Variants in MTHFD1L observed in about 807,000 individuals in gnomAD.
MTHFD1L encodes the protein methylenetetrahydrofolate dehydrogenase (NADP+ dependent) 1 like.
In MTHFD1L, 81 loss-of-function variants were observed where a neutral mutation model predicts 119.5. The ratio of observed to expected loss-of-function variants is 0.68; its 90% confidence interval spans 0.57 to 0.82. MTHFD1L has a LOEUF of 0.82. Ranked by LOEUF, MTHFD1L falls within the 40% of genes least tolerant of loss-of-function variation. The pLI is 0.00. For missense variants in MTHFD1L, 1,125 were observed against 1,253.4 expected (o/e 0.90, Z 1.55); for synonymous variants, 430 against 475.2 (o/e 0.90, Z 1.24).
chr6:151,063,086 G>A (rs769692621), intron 26 of MTHFD1L, among the ~76,000 whole-genome samples: 5 of 152,072 alleles, frequency 3.3e-5, no homozygotes, highest in African/African-American at 4.8e-5. Context: ...ATGTGATTTG[G>A]CTTTGGTCTT....
At chr6:151,082,162 G>A (rs751177045) in intron 26 of MTHFD1L, among the ~76,000 whole-genome samples, 2 of 152,074 alleles carry the variant, frequency 1.3e-5, no homozygotes, top group Non-Finnish European at 2.9e-5. Context: ...GCTACCTGTC[G>A]GTCAAACGGC....
chr6:150,871,619 A>G (rs1339896156), intron 1 of MTHFD1L, among the ~76,000 whole-genome samples: 1 of 144,034 alleles, frequency 6.9e-6, no homozygotes, highest in Non-Finnish European at 1.5e-5. Context: ...CTCCTGCCTC[A>G]GCCTCCTGAG....
chr6:150,948,512 C>T lies in MTHFD1L; in HGVS notation c.1624-519C>T, dbSNP rs146707757. On this transcript the variant is annotated intron_variant, in intron 15 of 27. Transcript: ENST00000367321. ...TTTTTTTATGTATTTTTAGTAGAGA[C>T]GGGGATTCACCATGTTGGCCAGTCT... 9.8e-3 allele frequency among the ~76,000 whole-genome samples: 1,478 copies of T among 151,262 alleles called. 14 individuals are homozygous for T. Among genetic ancestry groups the T allele is most frequent in the Middle Eastern group, 0.021 (6 of 288 alleles).
chr6:151,026,036 C>CA (rs1784571472), intron 24 of MTHFD1L, among the ~76,000 whole-genome samples: 1 of 151,976 alleles, frequency 6.6e-6, no homozygotes. Flanking sequence ...TTTTTGTCAT[C>CA]AAAAAATTAT....
chr6:151,032,463 A>G (rs1344580860), intron 24 of MTHFD1L, among the ~76,000 whole-genome samples: 1 of 152,196 alleles, frequency 6.6e-6, no homozygotes, highest in Admixed American at 6.5e-5. Context: ...CAAGCCATTC[A>G]TGAGGGATCC....
rs534422236 is a variant in MTHFD1L, at chr6:151,026,922, G to A, written c.2587-7571G>A. On this transcript the variant is annotated intron_variant, in intron 24 of 27. Coordinates refer to ENST00000367321, the MANE Select transcript of MTHFD1L (RefSeq NM_015440.5). Reference sequence around the variant, plus strand: ...CAGCTCACTGCAGTCTCCACCTCCCGGGTTCAAGTGATTCTCCTGCCTCAC... The same window carrying A: ...CAGCTCACTGCAGTCTCCACCTCCCAGGTTCAAGTGATTCTCCTGCCTCAC... Among the ~76,000 whole-genome samples, 619 of 126,084 alleles carry A rather than the reference G, an allele frequency of 4.9e-3. 3 individuals carry two copies. The highest frequency in any genetic ancestry group is 0.018 in the African/African-American group (604 of 33,894). The allele number at this position is 126,084 out of a possible 152,430, so 82.7% of individuals were successfully genotyped here.
At chr6:151,079,850 G>A (rs927244196) in intron 26 of MTHFD1L, among the ~76,000 whole-genome samples, 6 of 150,102 alleles carry the variant, frequency 4.0e-5, no homozygotes, top group African/African-American at 1.2e-4. Context: ...AAGCCAGCAC[G>A]TGATTTACTT....
chr6:151,068,491 T>C (rs1791571590), intron 26 of MTHFD1L, among the ~76,000 whole-genome samples: 1 of 152,224 alleles, frequency 6.6e-6, no homozygotes, highest in Non-Finnish European at 1.5e-5. Flanking sequence ...CAGATTCTGC[T>C]TGAACCGAGG....
intron 26 of MTHFD1L, among the ~76,000 whole-genome samples, chr6:151,058,093 C>A (rs1790204497): frequency 6.6e-6 from 1 of 152,216 alleles, no homozygotes; most frequent in Non-Finnish European, 1.5e-5. Flanking sequence ...CTTATTTTTA[C>A]TGCTATTCAG....
chr6:151,067,049 A>G (rs1213856427), intron 26 of MTHFD1L, among the ~76,000 whole-genome samples: 2 of 148,352 alleles, frequency 1.3e-5, no homozygotes, highest in Non-Finnish European at 3.0e-5. Flanking sequence ...GCTGGAGTGC[A>G]GTGTTGCAAT....
chr6:151,028,229 C>T (rs990432081), intron 24 of MTHFD1L, among the ~76,000 whole-genome samples: 1 of 152,150 alleles, frequency 6.6e-6, no homozygotes, highest in Non-Finnish European at 1.5e-5. Context: ...TCATCTCACA[C>T]AGTCAGCCCG....
At chr6:151,029,794 T>C (rs1011604037) in intron 24 of MTHFD1L, among the ~76,000 whole-genome samples, 2 of 152,168 alleles carry the variant, frequency 1.3e-5, no homozygotes, top group Non-Finnish European at 2.9e-5. Flanking sequence ...AGTCTCTGTA[T>C]AAAAAAAATT....
At chr6:150,893,232 T>C (rs1309633163) in intron 7 of MTHFD1L, among the ~76,000 whole-genome samples, 2 of 151,994 alleles carry the variant, frequency 1.3e-5, no homozygotes, top group African/African-American at 2.4e-5. Flanking sequence ...GCCTGGCTAA[T>C]TTTTATATTT....
intron 9 of MTHFD1L, among the ~76,000 whole-genome samples, chr6:150,920,014 A>G (rs1288772575): frequency 6.6e-6 from 1 of 152,086 alleles, no homozygotes; most frequent in Non-Finnish European, 1.5e-5. Context: ...TTCATTCCTC[A>G]CTGGCCATCA....
chr6:151,046,208 C>T (rs1787979896), intron 26 of MTHFD1L, among the ~76,000 whole-genome samples: 1 of 151,866 alleles, frequency 6.6e-6, no homozygotes, highest in Admixed American at 6.6e-5. Flanking sequence ...GGTACTATAC[C>T]ACTGAGTTGA....
At chr6:150,928,652 G>C (rs555455495) in intron 11 of MTHFD1L, among the ~76,000 whole-genome samples, 11 of 150,540 alleles carry the variant, frequency 7.3e-5, no homozygotes, top group South Asian at 6.3e-4. Context: ...AGCAATTCTT[G>C]TGCCTCAGCT....
At chr6:150,925,715 G>T (rs1789838402) in intron 10 of MTHFD1L, among the ~76,000 whole-genome samples, 1 of 151,842 alleles carries the variant, frequency 6.6e-6, no homozygotes, top group Admixed American at 6.6e-5. Flanking sequence ...AGAAACATGT[G>T]GCCAGCCCGA....
intron 26 of MTHFD1L, among the ~76,000 whole-genome samples, chr6:151,050,219 A>T (rs944084629): frequency 2.0e-5 from 3 of 152,096 alleles, no homozygotes; most frequent in Non-Finnish European, 2.9e-5. Flanking sequence ...CTGGAATACA[A>T]TGGCATGATC....
In MTHFD1L at chr6:150,991,171, A is replaced by C. The variant is rs796610549; in HGVS notation, c.2126-18648A>C. Among the ~76,000 whole-genome samples the C allele has an allele frequency of 4.6e-5, 7 of 152,294 alleles. 1 individual carries two copies. Among genetic ancestry groups the C allele is most frequent in the African/African-American group, 1.7e-4 (7 of 41,562 alleles). ...CATGCCCTGCCAAAATATAAACCAT[A>C]GAGCTTTGTATCACAATATATTCAA... On this transcript the variant is annotated intron_variant, in intron 20 of 27. Coordinates refer to ENST00000367321, the MANE Select transcript of MTHFD1L (RefSeq NM_015440.5).
Sources: allele counts gnomAD v4.1 joint callset (sites outside exome capture counted in the v4.1 genomes callset), GRCh38; gene constraint gnomAD v4.1.1; transcripts MANE v1.5; gene names NCBI Gene and HGNC (gene_info 2026-07-23, HGNC 2026-07-21).